C1orf21: variants seen among roughly 807,000 people sequenced by gnomAD.
The protein encoded by C1orf21 is chromosome 1 open reading frame 21, also known as uncharacterized protein C1orf21.
In C1orf21, 3 loss-of-function variants were observed where a neutral mutation model predicts 18.7. The observed-to-expected ratio is 0.16, with a 90% CI of 0.07 to 0.42. C1orf21 has a LOEUF of 0.42. Ranked by LOEUF, C1orf21 falls within the 10% of genes least tolerant of loss-of-function variation. C1orf21 has a pLI of 0.99. For missense variants in C1orf21, 104 were observed against 143.6 expected (o/e 0.72, Z 1.41); for synonymous variants, 41 against 46.4 (o/e 0.88, Z 0.47).
chr1:184,554,435 G>A (rs1553256156), intron 3 of C1orf21, among the ~76,000 whole-genome samples: 1 of 152,138 alleles, frequency 6.6e-6, no homozygotes, highest in Non-Finnish European at 1.5e-5. Context: ...AAACTATTGG[G>A]TGGTTTGGCT....
rs191511348 is a variant in C1orf21, at chr1:184,417,355, T to C, written c.-125+29987T>C. Among the ~76,000 whole-genome samples the C allele has an allele frequency of 8.2e-3, 1,247 of 152,176 alleles. 8 individuals are homozygous for C. Among genetic ancestry groups the C allele is most frequent in the Non-Finnish European group, 0.013 (880 of 67,980 alleles). On this transcript the variant is annotated intron_variant, in intron 1 of 5. Coordinates refer to ENST00000235307, the MANE Select transcript of C1orf21 (RefSeq NM_030806.4). ...TACAGTTAGATCTGAAATACACCCC[T>C]CCCCCAAAGACATCCATGTGTCAAG...
chr1:184,503,077 C>CA (rs199599189), intron 2 of C1orf21, among the ~76,000 whole-genome samples: 7,352 of 60,996 alleles, frequency 0.12, 714 homozygotes, highest in African/African-American at 0.23. Flanking sequence ...GAAACTGTCT[C>CA]AAAAAAAAAA....
intron 1 of C1orf21, among the ~76,000 whole-genome samples, chr1:184,469,240 ACT>A (rs1198448290): frequency 6.6e-6 from 1 of 152,098 alleles, no homozygotes; most frequent in Non-Finnish European, 1.5e-5. Flanking sequence ...ACAGAGTGAG[ACT>A]CTGTAATAAA....
intron 3 of C1orf21, among the ~76,000 whole-genome samples, chr1:184,553,082 C>G (rs562113460): frequency 6.6e-6 from 1 of 152,130 alleles, no homozygotes; most frequent in Non-Finnish European, 1.5e-5. Flanking sequence ...TGCATGTCTA[C>G]AGGGCCCTCA....
intron 1 of C1orf21, among the ~76,000 whole-genome samples, chr1:184,451,466 T>TTC (rs1220736105): frequency 1.9e-5 from 2 of 104,338 alleles, no homozygotes; most frequent in African/African-American, 6.9e-5. Flanking sequence ...AATTTAATTT[T>TTC]TTTTTTTTTT....
At chr1:184,514,514 T>A (rs1658195570) in intron 3 of C1orf21, among the ~76,000 whole-genome samples, 2 of 152,092 alleles carry the variant, frequency 1.3e-5, no homozygotes, top group Admixed American at 1.3e-4. Context: ...AATATCAGAT[T>A]TTGGCCTGAT....
intron 1 of C1orf21, among the ~76,000 whole-genome samples, chr1:184,398,394 T>C (rs1461509633): frequency 6.6e-6 from 1 of 152,214 alleles, no homozygotes; most frequent in Non-Finnish European, 1.5e-5. Context: ...CGAGCGCTCC[T>C]ACTTTAAAGT....
At chr1:184,468,996 A>G (rs901879381) in intron 1 of C1orf21, among the ~76,000 whole-genome samples, 2 of 152,154 alleles carry the variant, frequency 1.3e-5, no homozygotes, top group Non-Finnish European at 2.9e-5. Flanking sequence ...GCACTTTGGG[A>G]GGCTGAGATG....
chr1:184,540,574 T>C (rs544056211), intron 3 of C1orf21, among the ~76,000 whole-genome samples: 4 of 151,988 alleles, frequency 2.6e-5, no homozygotes, highest in Non-Finnish European at 4.4e-5. Context: ...GGACTACAGG[T>C]GCATGACACC....
At chr1:184,528,793 C>T (rs555677393) in intron 3 of C1orf21, among the ~76,000 whole-genome samples, 13 of 152,188 alleles carry the variant, frequency 8.5e-5, no homozygotes, top group Middle Eastern at 3.4e-3. Flanking sequence ...AATTGATTTT[C>T]CTTAGCTTTT....
chr1:184,585,109 T>C (rs1659334760), intron 3 of C1orf21, among the ~76,000 whole-genome samples: 2 of 152,222 alleles, frequency 1.3e-5, no homozygotes, highest in South Asian at 2.1e-4. Flanking sequence ...TTTTTAAAAA[T>C]AAGCCATATA....
intron 3 of C1orf21, among the ~76,000 whole-genome samples, chr1:184,508,772 T>A (rs553056833): frequency 3.4e-4 from 52 of 152,294 alleles, no homozygotes; most frequent in Admixed American, 2.7e-3. Context: ...GCTTCATAAA[T>A]GGGATTTGGA....
At chr1:184,609,177 C>G (rs1571300288) in intron 5 of C1orf21, among the ~76,000 whole-genome samples, 1 of 152,176 alleles carries the variant, frequency 6.6e-6, no homozygotes, top group East Asian at 1.9e-4. Flanking sequence ...AAGGGGCAAA[C>G]CCAACCTCTT....
chr1:184,525,891 A>G (rs916207892), intron 3 of C1orf21, among the ~76,000 whole-genome samples: 2 of 152,174 alleles, frequency 1.3e-5, no homozygotes, highest in African/African-American at 4.8e-5. Flanking sequence ...GTGGAGCATC[A>G]GTGGAAACTT....
chr1:184,520,913 G>C lies in C1orf21; in HGVS notation c.189+13231G>C, dbSNP rs185023203. 5.3e-5 allele frequency among the ~76,000 whole-genome samples: 8 copies of C among 151,754 alleles called. No homozygotes were observed. The East Asian group carries it at 1.5e-3, about 29-fold the overall frequency. On this transcript the variant is annotated intron_variant, in intron 3 of 5. Coordinates refer to ENST00000235307, the MANE Select transcript of C1orf21 (RefSeq NM_030806.4). ...TACAGAAATATAACTTTTTTTTTGA[G>C]ATGGAATCTCGCTCTTGTTGCCCAG...
chr1:184,440,387 C>A (rs1384832683), intron 1 of C1orf21, among the ~76,000 whole-genome samples: 1 of 152,194 alleles, frequency 6.6e-6, no homozygotes, highest in South Asian at 2.1e-4. Flanking sequence ...GGACTACAGG[C>A]GCACGCCCTA....
Position 184,392,819 on chromosome 1 carries a change from C to CTT in C1orf21, c.-125+5474_-125+5475dup, listed in dbSNP as rs397861528. On this transcript the variant is annotated intron_variant, in intron 1 of 5. Transcript: ENST00000235307. The stretch of plus-strand genomic sequence containing the variant: ...AGATTTTTATCCATAGACATTCCTC[C>CTT]TTTTTTTTTTTTTTTTTTTTTTTTC... Among the ~76,000 whole-genome samples, 21 of 96,834 alleles carry CTT rather than the reference C, an allele frequency of 2.2e-4. 1 individual carries two copies. Among genetic ancestry groups the CTT allele is most frequent in the African/African-American group, 5.8e-4 (14 of 24,138 alleles). 63.5% of individuals were successfully genotyped at this position (96,834 alleles called of 152,430 possible).
At chr1:184,507,373 G>A (rs1018461280) in intron 2 of C1orf21, among the ~76,000 whole-genome samples, 2 of 152,258 alleles carry the variant, frequency 1.3e-5, no homozygotes, top group Middle Eastern at 3.4e-3. Flanking sequence ...AGAAGCATTC[G>A]TGATGCTGAG....
intron 5 of C1orf21, among the ~76,000 whole-genome samples, chr1:184,613,389 A>G (rs1370684866): frequency 1.3e-5 from 2 of 152,252 alleles, no homozygotes; most frequent in African/African-American, 4.8e-5. Flanking sequence ...CAAATAATGA[A>G]TAATGGACAG....
Sources: allele counts gnomAD v4.1 joint callset (sites outside exome capture counted in the v4.1 genomes callset), GRCh38; gene constraint gnomAD v4.1.1; transcripts MANE v1.5; gene names NCBI Gene and HGNC (gene_info 2026-07-23, HGNC 2026-07-21).